BGN: variants seen among roughly 807,000 people sequenced by gnomAD.
The protein encoded by BGN is bone/cartilage proteoglycan-I.
Under a neutral mutation model 20.0 loss-of-function variants are expected in BGN, and 6 were observed. The observed-to-expected ratio is 0.30, with a 90% CI of 0.16 to 0.59. BGN has a LOEUF of 0.59. Among genes scored for constraint, BGN ranks in the 20% least tolerant of loss-of-function variants. BGN has a pLI of 0.88. For synonymous variants in BGN, 146 were observed against 134.6 expected, an observed-to-expected ratio of 1.08 and a Z score of -0.59; for missense variants, 292 against 312.1, an observed-to-expected ratio of 0.94 and a Z score of 0.49.
At chrX:153,504,981 G>T in intron 2 of BGN, 112 bp downstream of exon 2, 1 of 845,848 alleles carries the variant, frequency 1.2e-6, no homozygotes, top group Non-Finnish European at 1.7e-6. Flanking sequence ...CGAGCATGAT[G>T]TAAGTGTAGG....
chrX:153,498,692 C>T (rs1233987126), intron 1 of BGN, among the ~76,000 whole-genome samples: 1 of 112,544 alleles, frequency 8.9e-6, no homozygotes, highest in Non-Finnish European at 1.9e-5. Flanking sequence ...GGGCCCCAGG[C>T]TCTGGGGGGC....
In BGN at chrX:153,506,145, T is replaced by A; in HGVS notation, c.565+69T>A. On this transcript the variant is annotated intron_variant, in intron 4 of 7. Coordinates refer to ENST00000331595, the MANE Select transcript of BGN (RefSeq NM_001711.6). ...GGCATGGGGAAGGGAGACCAAGGGA[T>A]ACCTTTAGAGGCTCAGTTCAAGAAA... is the stretch of plus-strand genomic sequence containing the variant. 16 of 1,029,047 alleles carry A rather than the reference T, an allele frequency of 1.6e-5. No homozygotes were observed. The South Asian group carries it at 3.1e-4, about 20-fold the overall frequency. 84.8% of individuals were successfully genotyped at this position (1,029,047 alleles called of 1,213,427 possible).
At chrX:153,504,903 A>C in intron 2 of BGN, 34 bp downstream of exon 2, 4 of 1,140,964 alleles carry the variant, frequency 3.5e-6, no homozygotes, top group Non-Finnish European at 4.7e-6. Context: ...CGGGGCATGC[A>C]GGGAGGCTCA....
intron 1 of BGN, among the ~76,000 whole-genome samples, chrX:153,501,550 G>T (rs1201792804): frequency 1.8e-5 from 2 of 112,865 alleles, no homozygotes; most frequent in African/African-American, 6.4e-5. Flanking sequence ...AGCTCCAGGG[G>T]ATCCTATCCT....
intron 6 of BGN, 23 bp from the exon 7 acceptor site, chrX:153,507,024 C>T (rs781926347): frequency 4.1e-6 from 5 of 1,209,947 alleles, no homozygotes; most frequent in Non-Finnish European, 4.5e-6. Context: ...GCCTTTGAGT[C>T]CGTGTCATTC....
chrX:153,504,597 T>C (rs782710936), intron 1 of BGN, 24 bp from the exon 2 acceptor site: 20 of 1,127,162 alleles, frequency 1.8e-5, no homozygotes, highest in Admixed American at 4.6e-5. Context: ...CTGGTGCTGA[T>C]GATCCCCTCG....
chrX:153,500,650 T>G (rs1247862437), intron 1 of BGN, among the ~76,000 whole-genome samples: 2 of 113,109 alleles, frequency 1.8e-5, no homozygotes, highest in African/African-American at 3.2e-5. Flanking sequence ...GATGTGTGCA[T>G]GTATGTGTGT....
At chrX:153,499,923 G>A (rs1463635554) in intron 1 of BGN, among the ~76,000 whole-genome samples, 8 of 113,135 alleles carry the variant, frequency 7.1e-5, no homozygotes, top group East Asian at 5.7e-4. Flanking sequence ...GCAGGGCTGC[G>A]TGGAAGGTGG....
chrX:153,502,382 C>G (rs2089766906), intron 1 of BGN, among the ~76,000 whole-genome samples: 1 of 111,630 alleles, frequency 9.0e-6, no homozygotes. Context: ...GCAGGGCAGT[C>G]TCCTCCCTCC....
chrX:153,496,959 A>AC (rs1171513146), intron 1 of BGN, among the ~76,000 whole-genome samples: 1 of 10,825 alleles, frequency 9.2e-5, no homozygotes, highest in Non-Finnish European at 1.8e-4. Flanking sequence ...CCCACCCCCC[A>AC]CCCCCCACCC....
At chrX:153,498,877 A>G (rs1226421457) in intron 1 of BGN, among the ~76,000 whole-genome samples, 2 of 112,134 alleles carry the variant, frequency 1.8e-5, no homozygotes, top group East Asian at 5.6e-4. Context: ...GGAGCTACTG[A>G]TGGTCCTCAG....
At chrX:153,500,734 T>G (rs112122499) in intron 1 of BGN, among the ~76,000 whole-genome samples, 1 of 109,633 alleles carries the variant, frequency 9.1e-6, no homozygotes, top group African/African-American at 3.3e-5. Context: ...TATGCATGTG[T>G]GTGTGTGTGT....
At chrX:153,507,206 G>A in intron 7 of BGN, 21 bp downstream of exon 7, 1 of 1,180,958 alleles carries the variant, frequency 8.5e-7, no homozygotes, top group Non-Finnish European at 1.1e-6. Flanking sequence ...GGCATGCACA[G>A]CCAGGTTCCC....
intron 1 of BGN, among the ~76,000 whole-genome samples, chrX:153,497,464 T>G (rs1466794055): frequency 9.0e-6 from 1 of 111,163 alleles, no homozygotes; most frequent in African/African-American, 3.3e-5. Context: ...CCCCAGCTCC[T>G]GTCCTCTTCT....
intron 3 of BGN, 120 bp from the exon 4 acceptor site, chrX:153,505,743 A>ACAAG (rs2089795523): frequency 9.1e-6 from 5 of 550,220 alleles, no homozygotes; most frequent in Non-Finnish European, 1.4e-5. Flanking sequence ...CACTCTGCTC[A>ACAAG]CAAGCATGGA....
At position 153,507,361 on chromosome X, in the gene BGN, T is replaced by C. The variant is rs374918451; in HGVS notation, c.909+176T>C. Among the ~76,000 whole-genome samples the C allele has an allele frequency of 1.1e-3, 124 of 112,614 alleles. 2 individuals are homozygous for C. The East Asian group carries it at 0.014, about 13-fold the overall frequency. On this transcript the variant is annotated intron_variant, in intron 7 of 7. Transcript: ENST00000331595. ...GAGGAGGCAGGGAGCAGGGGCTCCA[T>C]GGTGGATACCGAGCAAGGCAGCCTG...
chrX:153,506,708 G>A, intron 5 of BGN, 69 bp downstream of exon 5: 5 of 1,148,411 alleles, frequency 4.4e-6, no homozygotes, highest in Non-Finnish European at 6.0e-6. Flanking sequence ...CAGGGTGGGG[G>A]CTCTGGATGG....
chrX:153,506,139 A>T, intron 4 of BGN, 63 bp downstream of exon 4: 1 of 1,044,965 alleles, frequency 9.6e-7, no homozygotes. Context: ...AAGGGAGACC[A>T]AGGGATACCT....
At chrX:153,495,731 C>A (rs2089708820) in intron 1 of BGN, among the ~76,000 whole-genome samples, 1 of 112,817 alleles carries the variant, frequency 8.9e-6, no homozygotes, top group Non-Finnish European at 1.9e-5. Context: ...CCAGATGTTC[C>A]TCGCTCGCTC....
Sources: gnomAD v4.1 joint callset for allele counts (sites outside exome capture counted in the v4.1 genomes callset) on GRCh38, gnomAD v4.1.1 for gene constraint, MANE v1.5 for transcripts, NCBI Gene and HGNC (gene_info 2026-07-23, HGNC 2026-07-21) for gene names.